RHOBTB1: variants seen among roughly 807,000 people sequenced by gnomAD.
The protein encoded by RHOBTB1 is rho-related BTB domain-containing protein 1.
A neutral mutation model predicts 71.6 loss-of-function variants in RHOBTB1; 40 were observed. The observed-to-expected ratio is 0.56, with a 90% CI of 0.43 to 0.73. The LOEUF (loss-of-function observed/expected upper bound fraction) is 0.73. RHOBTB1 is among the 30% of genes least tolerant of loss of function. The probability of loss-of-function intolerance (pLI) is 0.00; values close to 1 mark genes in which losing one functional copy is unlikely to be tolerated. For missense variants in RHOBTB1, 797 were observed against 894.0 expected, an observed-to-expected ratio of 0.89 and a Z score of 1.38; for synonymous variants, 319 against 334.9, an observed-to-expected ratio of 0.95 and a Z score of 0.52.
At chr10:60,970,723 T>C (rs1371586880) in intron 2 of RHOBTB1, among the ~76,000 whole-genome samples, 2 of 152,116 alleles carry the variant, frequency 1.3e-5, no homozygotes, top group East Asian at 3.9e-4. Context: ...CATAGCTTTT[T>C]TTTTCTGCTT....
At chr10:60,889,459 C>A (rs966706340) in intron 5 of RHOBTB1, among the ~76,000 whole-genome samples, 1 of 152,086 alleles carries the variant, frequency 6.6e-6, no homozygotes, top group Non-Finnish European at 1.5e-5. Flanking sequence ...TTATAAATGG[C>A]ATTGTTTTTT....
intron 2 of RHOBTB1, chr10:60,985,789 A>G (rs183535388): frequency 2.4e-4 from 37 of 152,326 alleles, no homozygotes; most frequent in African/African-American, 8.4e-4. Flanking sequence ...TTTCTTTGTT[A>G]AATATTGTAA....
chr10:60,875,087 C>T lies in RHOBTB1; in HGVS notation c.1727-45G>A, dbSNP rs780300571. On this transcript the variant is annotated intron_variant, in intron 8 of 10. Coordinates refer to ENST00000337910, the MANE Select transcript of RHOBTB1 (RefSeq NM_014836.5). Reference sequence around the variant, plus strand: ...CAGGAGAACATTAAACCACGCCCTGCGAGCCAGGTAGCTTGCCTGGAGGGT... The same window carrying T: ...CAGGAGAACATTAAACCACGCCCTGTGAGCCAGGTAGCTTGCCTGGAGGGT... 7.7e-5 allele frequency: 112 copies of T among 1,453,940 alleles called. 1 individual carries two copies. Among genetic ancestry groups the T allele is most frequent in the South Asian group, 1.0e-4 (9 of 87,784 alleles). 90.1% of individuals were successfully genotyped at this position (1,453,940 alleles called of 1,614,324 possible). A position where few individuals can be genotyped will look rare whatever the true frequency, so the allele number is the denominator to read the frequency against.
intron 2 of RHOBTB1, among the ~76,000 whole-genome samples, chr10:60,963,133 A>G (rs961197509): frequency 3.3e-5 from 5 of 152,110 alleles, no homozygotes; most frequent in Non-Finnish European, 7.4e-5. Context: ...AAACCACACC[A>G]TTTGGTTTGA....
chr10:60,952,646 C>T (rs2085453481), intron 2 of RHOBTB1, among the ~76,000 whole-genome samples: 1 of 152,140 alleles, frequency 6.6e-6, no homozygotes, highest in Non-Finnish European at 1.5e-5. Flanking sequence ...TCATATTTAC[C>T]CTTCCCTATT....
chr10:60,929,472 A>T (rs1367858812), intron 2 of RHOBTB1, among the ~76,000 whole-genome samples: 1 of 152,200 alleles, frequency 6.6e-6, no homozygotes, highest in Non-Finnish European at 1.5e-5. Flanking sequence ...CTGCTCAAAG[A>T]TACTAGCGAA....
intron 2 of RHOBTB1, among the ~76,000 whole-genome samples, chr10:60,916,967 C>T (rs765836916): frequency 3.9e-5 from 6 of 152,178 alleles, no homozygotes; most frequent in Non-Finnish European, 5.9e-5. Flanking sequence ...GGCTGCAAGC[C>T]AGGTAATGTA....
chr10:60,962,405 AT>A (rs1397101411), intron 2 of RHOBTB1, among the ~76,000 whole-genome samples: 1 of 152,184 alleles, frequency 6.6e-6, no homozygotes, highest in Non-Finnish European at 1.5e-5. Flanking sequence ...AAGAATGATC[AT>A]TTAACAGTAA....
rs539243363 is a variant in RHOBTB1 at position 60,888,584 on chromosome 10, C to T, written c.1084G>A (p.Glu362Lys). The T allele has an allele frequency of 2.0e-5, 32 of 1,614,198 alleles. No homozygotes were observed. The highest frequency in any genetic ancestry group is 2.0e-4 in the South Asian group (18 of 91,084). ...GTCTGTGTCTCAGGAACTGCACCCT[C>T]GGCTTCCAGCCCCAGAGCCTCCACC... Reference protein sequence around the residue: ...SLVEALGLEAEGAVPETQTLT... With the variant: ...SLVEALGLEAKGAVPETQTLT... The change falls in exon 6 of 11, where the codon GAG (glutamate) becomes AAG (lysine). Residue 362 changes from glutamate (E) to lysine (K), a missense_variant. Coordinates refer to ENST00000337910, the MANE Select transcript of RHOBTB1 (RefSeq NM_014836.5).
chr10:60,993,596 A>G (rs1402801546), intron 1 of RHOBTB1, among the ~76,000 whole-genome samples: 2 of 151,124 alleles, frequency 1.3e-5, no homozygotes, highest in Non-Finnish European at 3.0e-5. Flanking sequence ...TTCAGTATGA[A>G]TCTCTCTCAT....
At chr10:60,938,518 T>A (rs1474438935) in intron 2 of RHOBTB1, among the ~76,000 whole-genome samples, 1 of 152,242 alleles carries the variant, frequency 6.6e-6, no homozygotes, top group Non-Finnish European at 1.5e-5. Flanking sequence ...CAACTCTCTA[T>A]GACTCAACTG....
At chr10:60,927,016 G>A (rs1028627872) in intron 2 of RHOBTB1, among the ~76,000 whole-genome samples, 1 of 152,122 alleles carries the variant, frequency 6.6e-6, no homozygotes, top group Non-Finnish European at 1.5e-5. Context: ...CTGATAAATA[G>A]TAAAGTTTCA....
At chr10:60,895,345 T>A (rs1418805117) in intron 4 of RHOBTB1, among the ~76,000 whole-genome samples, 2 of 152,320 alleles carry the variant, frequency 1.3e-5, no homozygotes, top group Admixed American at 1.3e-4. Flanking sequence ...CACATTTAGG[T>A]GCTATGAGAA....
At chr10:60,950,774 T>C (rs976482026) in intron 2 of RHOBTB1, among the ~76,000 whole-genome samples, 14 of 152,336 alleles carry the variant, frequency 9.2e-5, no homozygotes, top group African/African-American at 3.4e-4. Flanking sequence ...CTGTGCAGCA[T>C]AGGGTATCAT....
At chr10:60,990,326 C>G (rs1244470112) in intron 1 of RHOBTB1, among the ~76,000 whole-genome samples, 4 of 152,090 alleles carry the variant, frequency 2.6e-5, no homozygotes, top group Non-Finnish European at 5.9e-5. Flanking sequence ...TAGTTTCTCT[C>G]TCTTTCTAGT....
chr10:60,960,861 T>C (rs552288467), intron 2 of RHOBTB1, among the ~76,000 whole-genome samples: 1 of 152,246 alleles, frequency 6.6e-6, no homozygotes, highest in African/African-American at 2.4e-5. Context: ...TTCAGGAAGA[T>C]TTTTTTGTCA....
At chr10:60,893,051 A>G (rs1472660922) in intron 4 of RHOBTB1, 56 bp from the exon 5 acceptor site, 1 of 1,370,232 alleles carries the variant, frequency 7.3e-7, no homozygotes, top group Non-Finnish European at 1.0e-6. Context: ...TTTTTCTTTT[A>G]CCATTATGGT....
chr10:60,973,218 C>T (rs562558371), intron 2 of RHOBTB1, among the ~76,000 whole-genome samples: 2 of 152,110 alleles, frequency 1.3e-5, no homozygotes, highest in Middle Eastern at 3.4e-3. Flanking sequence ...AAAAGGTTCT[C>T]ATCTGTTAAA....
chr10:60,991,156 A>G (rs556194874), intron 1 of RHOBTB1, among the ~76,000 whole-genome samples: 63 of 152,086 alleles, frequency 4.1e-4, no homozygotes, highest in African/African-American at 1.4e-3. Flanking sequence ...TGATATGCAT[A>G]CTCTTCCCCC....
Sources: allele counts gnomAD v4.1 joint callset (sites outside exome capture counted in the v4.1 genomes callset), GRCh38; gene constraint gnomAD v4.1.1; transcripts MANE v1.5; gene names NCBI Gene and HGNC (gene_info 2026-07-23, HGNC 2026-07-21).